The following IGSF9B variants were observed in gnomAD, a reference collection of about 807,000 sequenced individuals.
IGSF9B encodes immunoglobulin superfamily member 9B.
Under a neutral mutation model 143.7 loss-of-function variants are expected in IGSF9B, and 48 were observed. That is an observed-to-expected ratio of 0.33 (90% confidence interval 0.26 to 0.42). The LOEUF is 0.42. IGSF9B is among the 20% of genes least tolerant of loss of function. The pLI is 1.00. For missense variants in IGSF9B, 1,706 were observed against 1,980.0 expected (o/e 0.86, Z 2.63); for synonymous variants, 903 against 833.1 (o/e 1.08, Z -1.44).
chr11:133,948,056 CGTGTGTGTGT>C lies in IGSF9B; in HGVS notation c.65-1808_65-1799del, dbSNP rs71038546. ...CTGTTTCTGTCTACCAGCATGTGTG[CGTGTGTGTGT>C]GTGTGTGTGTGTGTGTGTGTGTGTC... is the stretch of plus-strand genomic sequence containing the variant. On this transcript the variant is annotated intron_variant, in intron 1 of 19. Coordinates refer to ENST00000533871, the MANE Select transcript of IGSF9B (RefSeq NM_001277285.4). The surrounding 1 kb of genome is among the most constrained non-coding windows in gnomAD (Gnocchi z 4.7). 0.36 allele frequency among the ~76,000 whole-genome samples: 52,395 copies of C among 147,146 alleles called. 10,059 individuals are homozygous for C. Among genetic ancestry groups the C allele is most frequent in the Middle Eastern group, 0.44 (128 of 290 alleles).
chr11:133,937,980 A>T lies in IGSF9B; in HGVS notation c.410-19T>A. 1 of 1,612,464 alleles carries T rather than the reference A, an allele frequency of 6.2e-7. No individual in the cohort carries two copies. The highest frequency in any genetic ancestry group is 1.3e-5 in the African/African-American group (1 of 75,046). On this transcript the variant is annotated intron_variant, in intron 3 of 19. Coordinates refer to ENST00000533871, the MANE Select transcript of IGSF9B (RefSeq NM_001277285.4). The stretch of plus-strand genomic sequence containing the variant: ...GGAGGGGCTGCAAAGGAGACCACAA[A>T]GATGAAGGACACGCCATCAGCCACA...
rs780574807 is a variant in IGSF9B at position 133,926,910 on chromosome 11, C to T, written c.1807+6G>A. The T allele has an allele frequency of 6.4e-6, 10 of 1,573,048 alleles. No homozygotes were observed. The highest frequency in any genetic ancestry group is 1.7e-6 in the Non-Finnish European group (2 of 1,154,996). On this transcript the variant is annotated splice_donor_region_variant and intron_variant, in intron 13 of 19. Transcript: ENST00000533871. ...CCGCTCCCAACATCCCACCCCGGGC[C>T]CTCACCTAAAGTGTTCACAGTGACC...
rs755042408 is a variant in IGSF9B at position 133,920,742 on chromosome 11, C to T, written c.2983G>A (p.Val995Ile). ...GTGGGCAGGGGCGGGGACGACATGACGGAGCTCAGGGGGCTGCCCACTTCT... is the reference window on the plus strand; with the variant it reads ...GTGGGCAGGGGCGGGGACGACATGATGGAGCTCAGGGGGCTGCCCACTTCT... Reference protein sequence around the residue: ...VPEVGSPLSSVMSSPPLPTEG... With the variant: ...VPEVGSPLSSIMSSPPLPTEG... Residue 995 changes from valine (V) to isoleucine (I), a missense_variant, in exon 18 of 20, where the codon GTC (valine) becomes ATC (isoleucine). Physicochemically the swap from Val to Ile is conservative, Grantham distance 29. Transcript: ENST00000533871. 2.4e-5 allele frequency: 39 copies of T among 1,612,734 alleles called. 1 individual carries two copies. The highest frequency in any genetic ancestry group is 2.5e-5 in the Non-Finnish European group (30 of 1,179,594).
At chr11:133,941,877 G>A (rs573261494) in intron 3 of IGSF9B, among the ~76,000 whole-genome samples, 2 of 152,230 alleles carry the variant, frequency 1.3e-5, no homozygotes, top group Admixed American at 1.3e-4. Flanking sequence ...CCCTAGCCAG[G>A]TCTCTGAAGA....
chr11:133,945,921 G>C lies in IGSF9B; in HGVS notation c.262+140C>G. ...CACCGCTTGATTAGAACCAACAGAG[G>C]ACAAAGGATGGGAGGAACCAGGCAG... is the stretch of plus-strand genomic sequence containing the variant. On this transcript the variant is annotated intron_variant, in intron 2 of 19. Transcript: ENST00000533871. This position sits in a 1 kb window ranked among gnomAD's most constrained non-coding sequence, Gnocchi z 4.6. The C allele has an allele frequency of 1.5e-6, 1 of 650,078 alleles. No homozygotes were observed. The highest frequency in any genetic ancestry group is 2.7e-6 in the Non-Finnish European group (1 of 376,406). The allele number at this position is 650,078 out of a possible 1,614,324, so 40.3% of individuals were successfully genotyped here. A position where few individuals can be genotyped will look rare whatever the true frequency, so the allele number is the denominator to read the frequency against.
rs1226244752 is a variant in IGSF9B at position 133,901,877 on chromosome 11, CACACACACACACA to C, written c.*7179_*7191del. ...CACCACACACGCACCACACACGCACCACACACACACACAACACACACACAACACACCACACACA... is the reference window on the plus strand; with the variant it reads ...CACCACACACGCACCACACACGCACCACACACACACAACACACCACACACA... On this transcript the variant is annotated 3_prime_UTR_variant, in exon 20 of 20. Coordinates refer to ENST00000533871, the MANE Select transcript of IGSF9B (RefSeq NM_001277285.4). Among the ~76,000 whole-genome samples the C allele has an allele frequency of 2.7e-4, 38 of 139,960 alleles. 1 individual carries two copies. Among genetic ancestry groups the C allele is most frequent in the Non-Finnish European group, 5.3e-4 (34 of 63,952 alleles). 91.8% of individuals were successfully genotyped at this position (139,960 alleles called of 152,430 possible).
chr11:133,950,233 C>A (rs939073025), intron 1 of IGSF9B, among the ~76,000 whole-genome samples: 5 of 152,176 alleles, frequency 3.3e-5, no homozygotes, highest in Non-Finnish European at 5.9e-5. Flanking sequence ...AAGGAGGGTG[C>A]CTGAAAGCAG....
At chr11:133,912,643 G>A (rs1939319307) in intron 18 of IGSF9B, among the ~76,000 whole-genome samples, 1 of 152,200 alleles carries the variant, frequency 6.6e-6, no homozygotes, top group Non-Finnish European at 1.5e-5. Context: ...TGCAGACGAG[G>A]CTCAGCTCTC....
At chr11:133,935,864 T>G in intron 6 of IGSF9B, 102 bp from the exon 7 acceptor site, 3 of 1,480,214 alleles carry the variant, frequency 2.0e-6, no homozygotes, top group Non-Finnish European at 2.7e-6. Flanking sequence ...GGAGAGCCCA[T>G]GCCCCTGGCA....
rs1339389851 is a variant in IGSF9B, at chr11:133,908,753, T to C, written c.*316A>G. 3.4e-5 allele frequency: 10 copies of C among 292,644 alleles called. No homozygotes were observed. The highest frequency in any genetic ancestry group is 5.8e-5 in the Non-Finnish European group (9 of 155,516). 18.1% of individuals were successfully genotyped at this position (292,644 alleles called of 1,614,324 possible). A position where few individuals can be genotyped will look rare whatever the true frequency, so the allele number is the denominator to read the frequency against. ...AGCAGTAAAAGCCATTGCTTTCCTC[T>C]TCACTTCCAAAGACATTGGAAGAGA... On this transcript the variant is annotated 3_prime_UTR_variant, in exon 20 of 20. Transcript: ENST00000533871.
intron 3 of IGSF9B, among the ~76,000 whole-genome samples, chr11:133,938,747 G>A (rs975982318): frequency 2.6e-5 from 4 of 152,122 alleles, no homozygotes; most frequent in African/African-American, 9.7e-5. Context: ...GAGGCCCACG[G>A]CACTAGGCTG....
intron 1 of IGSF9B, among the ~76,000 whole-genome samples, chr11:133,952,647 T>G (rs981225513): frequency 2.7e-5 from 4 of 149,056 alleles, no homozygotes; most frequent in African/African-American, 1.0e-4. Flanking sequence ...TGGGCACATG[T>G]GCACACACAT....
rs774848477 is a variant in IGSF9B at position 133,920,167 on chromosome 11, G to A, written c.3558C>T (p.Arg1186=). 4 of 1,508,420 alleles carry A rather than the reference G, an allele frequency of 2.7e-6. No individual in the cohort carries two copies. In the African/African-American group the frequency reaches 4.2e-5, roughly 16 times the overall value. 93.4% of individuals were successfully genotyped at this position (1,508,420 alleles called of 1,614,324 possible). A position where few individuals can be genotyped will look rare whatever the true frequency, so the allele number is the denominator to read the frequency against. The change falls in exon 18 of 20, where the codon CGC becomes CGT. Residue 1186 remains arginine (R), a synonymous_variant. Transcript: ENST00000533871. ...CCACTTGATGTAAACTGGGCTCGGC[G>A]CGCCTGGCCTGCCGAGGGCTAGGCC... ...RPRPSPRQAR[R]AEPSLHQVVL...
intron 17 of IGSF9B, 76 bp from the exon 18 acceptor site, chr11:133,921,473 G>C (rs1939537553): frequency 8.5e-7 from 1 of 1,170,000 alleles, no homozygotes; most frequent in Non-Finnish European, 1.2e-6. Flanking sequence ...CCCTCTCTCG[G>C]CAACCACCCA....
chr11:133,924,923 T>C lies in IGSF9B; in HGVS notation c.2035-19A>G. On this transcript the variant is annotated intron_variant, in intron 14 of 19. Coordinates refer to ENST00000533871, the MANE Select transcript of IGSF9B (RefSeq NM_001277285.4). ...ACGTGTCCTGCAGCCCCAGGGACAATACCCAGTCAGCCGAGGGACCTGAGA... is the reference window on the plus strand; with the variant it reads ...ACGTGTCCTGCAGCCCCAGGGACAACACCCAGTCAGCCGAGGGACCTGAGA... The C allele has an allele frequency of 6.2e-7, 1 of 1,609,250 alleles. No homozygotes were observed. Among genetic ancestry groups the C allele is most frequent in the Middle Eastern group, 1.7e-4 (1 of 6,048 alleles).
chr11:133,939,591 ACTT>A (rs1401885154), intron 3 of IGSF9B, among the ~76,000 whole-genome samples: 2 of 152,240 alleles, frequency 1.3e-5, no homozygotes, highest in East Asian at 3.8e-4. Flanking sequence ...ATACCAAAAC[ACTT>A]CTTAAGAGCA....
intron 12 of IGSF9B, 36 bp from the exon 13 acceptor site, chr11:133,927,127 G>A: frequency 6.6e-7 from 1 of 1,509,200 alleles, no homozygotes; most frequent in Non-Finnish European, 9.0e-7. Flanking sequence ...GGGGACGAGG[G>A]GCGGGGTGGG....
chr11:133,922,061 G>A, intron 17 of IGSF9B, 116 bp downstream of exon 17: 1 of 834,608 alleles, frequency 1.2e-6, no homozygotes, highest in Non-Finnish European at 2.0e-6. Flanking sequence ...TAACACACAG[G>A]TCAATCAAGA....
At position 133,945,152 on chromosome 11, in the gene IGSF9B, A is replaced by T. The variant is rs951441808; in HGVS notation, c.263-786T>A. Among the ~76,000 whole-genome samples, 38 of 152,150 alleles carry T rather than the reference A, an allele frequency of 2.5e-4. No individual in the cohort carries two copies. Among genetic ancestry groups the T allele is most frequent in the African/African-American group, 9.2e-4 (38 of 41,432 alleles). On this transcript the variant is annotated intron_variant, in intron 2 of 19. Coordinates refer to ENST00000533871, the MANE Select transcript of IGSF9B (RefSeq NM_001277285.4). The surrounding 1 kb of genome is among the most constrained non-coding windows in gnomAD (Gnocchi z 4.6). ...CTCTTCCATGACGCCAGCAGGGTGG[A>T]GCAGCCCTCGAGGTCGGCCCACCTC...
Sources: gnomAD v4.1 joint callset for allele counts (sites outside exome capture counted in the v4.1 genomes callset) on GRCh38, gnomAD v4.1.1 for gene constraint, Gnocchi (gnomAD v3.1) non-coding constraint, MANE v1.5 for transcripts, NCBI Gene and HGNC (gene_info 2026-07-23, HGNC 2026-07-21) for gene names.